SVEP1: variants seen among roughly 807,000 people sequenced by gnomAD.
The protein encoded by SVEP1 is sushi, von Willebrand factor type A, EGF and pentraxin domain containing 1.
Under a neutral mutation model 367.3 loss-of-function variants are expected in SVEP1, and 164 were observed. That is an observed-to-expected ratio of 0.45 (90% CI 0.39 to 0.51). The LOEUF is 0.51. SVEP1 is among the 20% of genes least tolerant of loss of function. SVEP1 has a pLI of 0.00. For synonymous variants in SVEP1, 1,666 were observed against 1,611.6 expected (o/e 1.03, Z -0.81); for missense variants, 4,117 against 4,425.3 (o/e 0.93, Z 1.98).
intron 13 of SVEP1, 149 bp from the exon 14 acceptor site, chr9:110,476,464 C>A (rs1038987593): frequency 1.6e-6 from 1 of 628,964 alleles, no homozygotes; most frequent in African/African-American, 1.9e-5. Context: ...GGATTCTGAC[C>A]CTCCTCCCCT....
chr9:110,513,329 T>C (rs773319187), intron 4 of SVEP1, among the ~76,000 whole-genome samples: 1 of 152,190 alleles, frequency 6.6e-6, no homozygotes, highest in East Asian at 1.9e-4. Context: ...ACAAACTAAA[T>C]ATTATTTGTT....
chr9:110,428,856 A>C (rs982072844), intron 35 of SVEP1, among the ~76,000 whole-genome samples: 3 of 152,102 alleles, frequency 2.0e-5, no homozygotes, highest in Non-Finnish European at 4.4e-5. Flanking sequence ...GGATTGCTTG[A>C]GCTCAAGAGT....
chr9:110,390,000 T>C (rs987849643), intron 40 of SVEP1, among the ~76,000 whole-genome samples: 1 of 122,562 alleles, frequency 8.2e-6, no homozygotes, highest in East Asian at 5.4e-4. Flanking sequence ...ACACATGTGA[T>C]GTATACACAT....
chr9:110,554,385 A>G (rs951171097), intron 1 of SVEP1, among the ~76,000 whole-genome samples: 38 of 152,328 alleles, frequency 2.5e-4, no homozygotes, highest in African/African-American at 8.7e-4. Flanking sequence ...ACAAAAATGG[A>G]CAGACCAAGG....
At chr9:110,457,625 G>T (rs1047111823) in intron 20 of SVEP1, among the ~76,000 whole-genome samples, 1 of 152,140 alleles carries the variant, frequency 6.6e-6, no homozygotes, top group East Asian at 1.9e-4. Flanking sequence ...TATTTTGAAG[G>T]CATACTAAGG....
intron 3 of SVEP1, among the ~76,000 whole-genome samples, chr9:110,536,604 C>T (rs1262008329): frequency 6.6e-6 from 1 of 151,858 alleles, no homozygotes; most frequent in Non-Finnish European, 1.5e-5. Flanking sequence ...GGGTACATTG[C>T]CCCGAGGTGA....
chr9:110,557,670 A>G, intron 1 of SVEP1, among the ~76,000 whole-genome samples: 1 of 152,196 alleles, frequency 6.6e-6, no homozygotes, highest in East Asian at 1.9e-4. Context: ...ATTCAGTCAT[A>G]GTGTTTCCAA....
intron 3 of SVEP1, among the ~76,000 whole-genome samples, chr9:110,517,983 T>A (rs552076887): frequency 3.9e-5 from 6 of 152,182 alleles, no homozygotes; most frequent in African/African-American, 1.4e-4. Context: ...ATTTAATATA[T>A]GAGACTTGAA....
At chr9:110,521,245 A>G (rs1356917107) in intron 3 of SVEP1, among the ~76,000 whole-genome samples, 1 of 152,168 alleles carries the variant, frequency 6.6e-6, no homozygotes, top group Non-Finnish European at 1.5e-5. Flanking sequence ...GAGACTTTCA[A>G]TTGCCCTGAA....
At chr9:110,550,516 ATCTATCTATCTG>A (rs1468239259) in intron 1 of SVEP1, among the ~76,000 whole-genome samples, 96 of 151,060 alleles carry the variant, frequency 6.4e-4, no homozygotes, top group African/African-American at 1.0e-3. Flanking sequence ...CTATCTATCT[ATCTATCTATCTG>A]TCTATCATCT....
At chr9:110,377,469 A>G in intron 44 of SVEP1, 103 bp from the exon 45 acceptor site, 1 of 1,051,534 alleles carries the variant, frequency 9.5e-7, no homozygotes, top group Non-Finnish European at 1.4e-6. Flanking sequence ...CCTTGAGTCA[A>G]GCTTTCAGGA....
At position 110,434,251 on chromosome 9, in the gene SVEP1, A is replaced by G. The variant is rs1049520222; in HGVS notation, c.5059+85T>C. 120 of 1,402,248 alleles carry G rather than the reference A, an allele frequency of 8.6e-5. 1 individual carries two copies. The highest frequency in any genetic ancestry group is 2.3e-4 in the Admixed American group (10 of 43,008). The allele number at this position is 1,402,248 out of a possible 1,614,324, so 86.9% of individuals were successfully genotyped here. A position where few individuals can be genotyped will look rare whatever the true frequency, so the allele number is the denominator to read the frequency against. On this transcript the variant is annotated intron_variant, in intron 30 of 47. Transcript: ENST00000374469. Reference sequence around the variant, plus strand: ...GTATATTTGCTACTGTGAAGTATTCACTCTTTGTCTAGCATTCCTGAAAAG... The same window carrying G: ...GTATATTTGCTACTGTGAAGTATTCGCTCTTTGTCTAGCATTCCTGAAAAG...
intron 36 of SVEP1, among the ~76,000 whole-genome samples, chr9:110,424,123 T>C (rs1309346940): frequency 6.6e-6 from 1 of 152,252 alleles, no homozygotes; most frequent in Non-Finnish European, 1.5e-5. Flanking sequence ...GCATCTTCCA[T>C]GACTGGACAA....
chr9:110,438,413 C>T (rs1013521111), intron 27 of SVEP1, among the ~76,000 whole-genome samples: 25 of 151,906 alleles, frequency 1.6e-4, no homozygotes, highest in African/African-American at 6.0e-4. Context: ...GCATGTTGAT[C>T]AGGCTGGTCT....
intron 14 of SVEP1, among the ~76,000 whole-genome samples, chr9:110,473,449 TATAC>T (rs35063606): frequency 0.27 from 41,239 of 151,800 alleles, 6,016 homozygotes; most frequent in Non-Finnish European, 0.32. Context: ...CATACATACA[TATAC>T]ATACACACAC....
intron 2 of SVEP1, 98 bp downstream of exon 2, chr9:110,549,751 G>T: frequency 6.8e-7 from 1 of 1,472,210 alleles, no homozygotes. Flanking sequence ...CAAAGACCTT[G>T]TGAGAGTTTG....
intron 1 of SVEP1, among the ~76,000 whole-genome samples, chr9:110,573,267 T>A (rs1830587201): frequency 6.6e-6 from 1 of 152,074 alleles, no homozygotes; most frequent in South Asian, 2.1e-4. Flanking sequence ...AAGGCTATTA[T>A]CAGCCTTTGT....
chr9:110,532,818 A>G (rs1830036860), intron 3 of SVEP1, among the ~76,000 whole-genome samples: 1 of 152,076 alleles, frequency 6.6e-6, no homozygotes, highest in Non-Finnish European at 1.5e-5. Flanking sequence ...TCCAGCTATG[A>G]CAACCAAAGT....
chr9:110,414,447 T>G (rs1334800649), intron 36 of SVEP1, among the ~76,000 whole-genome samples: 1 of 151,992 alleles, frequency 6.6e-6, no homozygotes. Flanking sequence ...CAGCCCCCAG[T>G]TAGGGCCTGC....
Sources: gnomAD v4.1 joint callset for allele counts (sites outside exome capture counted in the v4.1 genomes callset) on GRCh38, gnomAD v4.1.1 for gene constraint, MANE v1.5 for transcripts, NCBI Gene and HGNC (gene_info 2026-07-23, HGNC 2026-07-21) for gene names.